ELAVL4: variants seen among roughly 807,000 people sequenced by gnomAD.
ELAVL4 encodes the protein ELAV-like protein 4.
ELAVL4 carries 1 observed loss-of-function variant against 35.6 expected under a neutral mutation model. That is an observed-to-expected ratio of 0.03 (90% confidence interval 0.01 to 0.13). ELAVL4 has a LOEUF of 0.13. ELAVL4 is among the 10% of genes least tolerant of loss of function. The pLI is 1.00. For synonymous variants in ELAVL4, 156 were observed against 171.0 expected (o/e 0.91, Z 0.69); for missense variants, 267 against 464.9 (o/e 0.57, Z 3.91).
intron 2 of ELAVL4, among the ~76,000 whole-genome samples, chr1:50,163,430 C>T (rs1363171755): frequency 6.6e-6 from 1 of 152,066 alleles, no homozygotes; most frequent in Non-Finnish European, 1.5e-5. Context: ...GTACCAGATC[C>T]AGTTTGAAAG....
chr1:50,055,930 A>G (rs1663636873), intron 1 of ELAVL4, among the ~76,000 whole-genome samples: 1 of 152,164 alleles, frequency 6.6e-6, no homozygotes, highest in Admixed American at 6.5e-5. Flanking sequence ...TAGGAAGTCT[A>G]CGCCAGGAAG....
chr1:50,065,135 C>A (rs764607119), intron 1 of ELAVL4, among the ~76,000 whole-genome samples: 2 of 152,130 alleles, frequency 1.3e-5, no homozygotes, highest in Non-Finnish European at 1.5e-5. Context: ...TGCTCACCCC[C>A]CACCTTTTCC....
At chr1:50,135,145 C>G (rs1671670395) in intron 1 of ELAVL4, among the ~76,000 whole-genome samples, 2 of 152,112 alleles carry the variant, frequency 1.3e-5, no homozygotes, top group Admixed American at 6.6e-5. Flanking sequence ...ACTGAGAATA[C>G]TTTTGGCATG....
At chr1:50,070,539 G>A (rs888093969) in intron 1 of ELAVL4, among the ~76,000 whole-genome samples, 1 of 152,076 alleles carries the variant, frequency 6.6e-6, no homozygotes, top group South Asian at 2.1e-4. Context: ...TCAGGAGTTC[G>A]AGACCAGCCT....
At chr1:50,078,857 C>T (rs924351947) in intron 1 of ELAVL4, among the ~76,000 whole-genome samples, 2 of 152,160 alleles carry the variant, frequency 1.3e-5, no homozygotes, top group African/African-American at 4.8e-5. Context: ...TGTTGGTGGC[C>T]ATGCAGGTTA....
intron 1 of ELAVL4, among the ~76,000 whole-genome samples, chr1:50,130,986 A>C (rs907028715): frequency 6.6e-6 from 1 of 152,180 alleles, no homozygotes; most frequent in Non-Finnish European, 1.5e-5. Context: ...TTACTTTTTA[A>C]AAAAGGTAAA....
At chr1:50,078,489 T>C (rs192342084) in intron 1 of ELAVL4, among the ~76,000 whole-genome samples, 1 of 152,184 alleles carries the variant, frequency 6.6e-6, no homozygotes, top group East Asian at 1.9e-4. Context: ...GAGTGGCCCA[T>C]TTTACAGATG....
chr1:50,117,186 C>G (rs527732243), intron 1 of ELAVL4, among the ~76,000 whole-genome samples: 63 of 152,190 alleles, frequency 4.1e-4, no homozygotes, highest in Non-Finnish European at 8.4e-4. Context: ...TTAATCACCT[C>G]TCTAGTGGAA....
At position 50,120,402 on chromosome 1, in the gene ELAVL4, G is replaced by A. The variant is rs78292269; in HGVS notation, c.9+11204G>A. Among the ~76,000 whole-genome samples the A allele has an allele frequency of 1.6e-3, 250 of 152,134 alleles. 2 individuals are homozygous for A. Among genetic ancestry groups the A allele is most frequent in the African/African-American group, 5.7e-3 (235 of 41,544 alleles). ...ACAAGGCCTACTTAAGAAACTGTAAGTAATCTGGTGTGAATGCAGCATATG... is the reference window on the plus strand; with the variant it reads ...ACAAGGCCTACTTAAGAAACTGTAAATAATCTGGTGTGAATGCAGCATATG... On this transcript the variant is annotated intron_variant, in intron 1 of 6. Transcript: ENST00000371824.
At chr1:50,131,518 G>A (rs926165347) in intron 1 of ELAVL4, among the ~76,000 whole-genome samples, 4 of 151,888 alleles carry the variant, frequency 2.6e-5, no homozygotes, top group East Asian at 1.9e-4. Context: ...GGCCGAGTGC[G>A]GTGACTCACA....
intron 1 of ELAVL4, among the ~76,000 whole-genome samples, chr1:50,118,227 T>C (rs1230262218): frequency 6.6e-6 from 1 of 152,162 alleles, no homozygotes; most frequent in African/African-American, 2.4e-5. Context: ...CTTTTCACTG[T>C]ATCAGCTGTT....
chr1:50,190,640 C>T (rs1399731870), intron 3 of ELAVL4, among the ~76,000 whole-genome samples: 1 of 152,178 alleles, frequency 6.6e-6, no homozygotes, highest in East Asian at 1.9e-4. Context: ...AGATGTGTTG[C>T]AGTAATTCTC....
At chr1:50,192,330 C>T (rs1354075022) in intron 3 of ELAVL4, among the ~76,000 whole-genome samples, 1 of 152,142 alleles carries the variant, frequency 6.6e-6, no homozygotes, top group African/African-American at 2.4e-5. Context: ...CCTGGCATGT[C>T]TGTCATGGAA....
chr1:50,128,316 T>C (rs1174773798), intron 1 of ELAVL4, among the ~76,000 whole-genome samples: 1 of 152,130 alleles, frequency 6.6e-6, no homozygotes, highest in Non-Finnish European at 1.5e-5. Flanking sequence ...ATGAATTCAC[T>C]CTTACTTTTG....
At chr1:50,133,208 C>G (rs1286151003) in intron 1 of ELAVL4, among the ~76,000 whole-genome samples, 1 of 152,074 alleles carries the variant, frequency 6.6e-6, no homozygotes, top group Non-Finnish European at 1.5e-5. Context: ...CAGAATGGAC[C>G]AGTGGGTCCA....
At chr1:50,165,702 A>G (rs912925160) in intron 2 of ELAVL4, among the ~76,000 whole-genome samples, 1 of 148,774 alleles carries the variant, frequency 6.7e-6, no homozygotes, top group Non-Finnish European at 1.5e-5. Context: ...ACACATATAC[A>G]TATATACTTA....
chr1:50,076,645 TCTGACATGAGATAGAC>T (rs1664779298), intron 1 of ELAVL4, among the ~76,000 whole-genome samples: 1 of 152,106 alleles, frequency 6.6e-6, no homozygotes, highest in Non-Finnish European at 1.5e-5. Context: ...TAAGGAAATG[TCTGACATGAGATAGAC>T]CTGGGCCTGG....
chr1:50,103,872 G>C, upstream of ELAVL4: 1 of 1,588,152 alleles, frequency 6.3e-7, no homozygotes, highest in Non-Finnish European at 8.6e-7. Flanking sequence ...AAGGTCTGCA[G>C]CTGTGTTCGG....
At chr1:50,111,107 G>A (rs752847939) in intron 1 of ELAVL4, among the ~76,000 whole-genome samples, 1 of 151,858 alleles carries the variant, frequency 6.6e-6, no homozygotes, top group South Asian at 2.1e-4. Context: ...CTATTTTTAA[G>A]CATCTGTTCT....
Sources: gnomAD v4.1 joint callset for allele counts (sites outside exome capture counted in the v4.1 genomes callset) on GRCh38, gnomAD v4.1.1 for gene constraint, MANE v1.5 for transcripts, NCBI Gene and HGNC (gene_info 2026-07-23, HGNC 2026-07-21) for gene names.